FGF10: variants seen among roughly 807,000 people sequenced by gnomAD.
FGF10 encodes the protein fibroblast growth factor 10, also known as FGF-10.
In FGF10, 2 loss-of-function variants were observed where a neutral mutation model predicts 19.8. That is an observed-to-expected ratio of 0.10 (90% CI 0.04 to 0.32). The LOEUF (loss-of-function observed/expected upper bound fraction) is 0.32, where lower values mean the gene tolerates loss of function less well. Ranked by LOEUF, FGF10 falls within the 10% of genes least tolerant of loss-of-function variation. FGF10 has a pLI of 1.00. For synonymous variants in FGF10, 112 were observed against 94.0 expected (o/e 1.19, Z -1.10); for missense variants, 191 against 246.3 (o/e 0.78, Z 1.50).
At chr5:44,312,782 T>C (rs935662368) in intron 1 of FGF10, among the ~76,000 whole-genome samples, 3 of 152,000 alleles carry the variant, frequency 2.0e-5, no homozygotes, top group Admixed American at 2.0e-4. Context: ...TGAAAATTAA[T>C]AGAACAAAGA....
chr5:44,380,515 T>C (rs1741962310), intron 1 of FGF10, among the ~76,000 whole-genome samples: 1 of 152,218 alleles, frequency 6.6e-6, no homozygotes, highest in South Asian at 2.1e-4. Context: ...TGTTTCCTGA[T>C]TTAAAAAGTT....
At chr5:44,311,512 G>A (rs1454092974) in intron 1 of FGF10, among the ~76,000 whole-genome samples, 1 of 152,024 alleles carries the variant, frequency 6.6e-6, no homozygotes, top group Non-Finnish European at 1.5e-5. Context: ...ATTACCATAG[G>A]AGAAGTCACT....
chr5:44,375,475 C>T (rs1187413300), intron 1 of FGF10, among the ~76,000 whole-genome samples: 1 of 152,052 alleles, frequency 6.6e-6, no homozygotes, highest in Non-Finnish European at 1.5e-5. Flanking sequence ...AAGGCAGGTT[C>T]TAGAACTGAA....
At chr5:44,317,757 A>G (rs900934094) in intron 1 of FGF10, among the ~76,000 whole-genome samples, 1 of 151,844 alleles carries the variant, frequency 6.6e-6, no homozygotes, top group African/African-American at 2.4e-5. Context: ...ACTGGTAGAG[A>G]TTTTTTAAAT....
At chr5:44,370,428 T>A (rs1310019543) in intron 1 of FGF10, among the ~76,000 whole-genome samples, 1 of 152,146 alleles carries the variant, frequency 6.6e-6, no homozygotes, top group Non-Finnish European at 1.5e-5. Flanking sequence ...GATCCTCATG[T>A]GCTCTTTGTG....
chr5:44,320,102 A>G (rs564590680), intron 1 of FGF10, among the ~76,000 whole-genome samples: 8 of 152,308 alleles, frequency 5.3e-5, no homozygotes, highest in African/African-American at 1.9e-4. Context: ...TGACAATCTA[A>G]TGCCTGATGA....
At chr5:44,307,172 C>T (rs181790212) in intron 2 of FGF10, among the ~76,000 whole-genome samples, 21 of 152,260 alleles carry the variant, frequency 1.4e-4, no homozygotes, top group African/African-American at 5.1e-4. Flanking sequence ...TTGAAGTGCA[C>T]ATGTATCAGC....
intron 1 of FGF10, among the ~76,000 whole-genome samples, chr5:44,344,604 T>TGTGTGTGTGTGTG (rs1411229803): frequency 1.6e-4 from 4 of 24,760 alleles, no homozygotes; most frequent in African/African-American, 3.5e-4. Flanking sequence ...GTGTGTGTGT[T>TGTGTGTGTGTGTG]AAACCAACTC....
At chr5:44,310,394 G>C in intron 2 of FGF10, 33 bp downstream of exon 2, 1 of 1,411,538 alleles carries the variant, frequency 7.1e-7, no homozygotes, top group Non-Finnish European at 1.0e-6. Flanking sequence ...TGGTTTACTG[G>C]AGTGGATTTG....
intron 1 of FGF10, among the ~76,000 whole-genome samples, chr5:44,362,695 C>T (rs1741519735): frequency 6.6e-6 from 1 of 151,564 alleles, no homozygotes; most frequent in South Asian, 2.1e-4. Context: ...TGCTGCTTCC[C>T]TCCTCTACTC....
chr5:44,341,562 A>G (rs1016013653), intron 1 of FGF10, among the ~76,000 whole-genome samples: 2 of 151,962 alleles, frequency 1.3e-5, no homozygotes, highest in African/African-American at 4.8e-5. Flanking sequence ...TCTTTGAAGC[A>G]GAGCAATGAA....
At chr5:44,316,078 T>C (rs1317148553) in intron 1 of FGF10, among the ~76,000 whole-genome samples, 1 of 152,134 alleles carries the variant, frequency 6.6e-6, no homozygotes, top group African/African-American at 2.4e-5. Context: ...CTGCCTCTTA[T>C]CAGATCAGTG....
chr5:44,360,848 A>C (rs1337189816), intron 1 of FGF10, among the ~76,000 whole-genome samples: 1 of 151,700 alleles, frequency 6.6e-6, no homozygotes, highest in Non-Finnish European at 1.5e-5. Context: ...TAATTGTGAA[A>C]GAATATTAAT....
chr5:44,363,588 A>G (rs339503), intron 1 of FGF10, among the ~76,000 whole-genome samples: 17,978 of 151,828 alleles, frequency 0.12, 2,618 homozygotes, highest in African/African-American at 0.34. Context: ...ACCAAAAAAG[A>G]TATGTTTGTT....
intron 1 of FGF10, among the ~76,000 whole-genome samples, chr5:44,376,524 A>AAAAAAAAAAAAAAAAAAAAAAAG (rs1741868780): frequency 6.9e-6 from 1 of 145,414 alleles, no homozygotes; most frequent in Non-Finnish European, 1.5e-5. Context: ...AAAACAAAAA[A>AAAAAAAAAAAAAAAAAAAAAAAG]CCCACAACTA....
intron 1 of FGF10, among the ~76,000 whole-genome samples, chr5:44,336,355 A>G (rs1315100794): frequency 6.6e-6 from 1 of 152,094 alleles, no homozygotes. Flanking sequence ...TAGTTTATAT[A>G]TTTTATTCTC....
chr5:44,347,127 GA>G (rs1341440171), intron 1 of FGF10, among the ~76,000 whole-genome samples: 3 of 151,698 alleles, frequency 2.0e-5, no homozygotes, highest in African/African-American at 4.8e-5. Context: ...AATATTTGTA[GA>G]AAAAAATAGA....
At chr5:44,374,018 C>T (rs564483458) in intron 1 of FGF10, among the ~76,000 whole-genome samples, 16 of 152,128 alleles carry the variant, frequency 1.1e-4, no homozygotes, top group African/African-American at 3.9e-4. Context: ...TCTATTCTCT[C>T]AATGTTCTGG....
At chr5:44,373,270 C>T (rs1741782735) in intron 1 of FGF10, among the ~76,000 whole-genome samples, 1 of 152,156 alleles carries the variant, frequency 6.6e-6, no homozygotes, top group Non-Finnish European at 1.5e-5. Context: ...ATTTCTTCAG[C>T]ACTATCATAA....
Sources: allele counts gnomAD v4.1 joint callset (sites outside exome capture counted in the v4.1 genomes callset), GRCh38; gene constraint gnomAD v4.1.1; transcripts MANE v1.5; gene names NCBI Gene and HGNC (gene_info 2026-07-23, HGNC 2026-07-21).